SMOC2: variants seen among roughly 807,000 people sequenced by gnomAD.
The protein encoded by SMOC2 is SPARC related modular calcium binding 2, also known as SPARC-related modular calcium-binding protein 2.
Under a neutral mutation model 61.4 loss-of-function variants are expected in SMOC2, and 39 were observed. The observed-to-expected ratio is 0.64, with a 90% CI of 0.49 to 0.83. The LOEUF is 0.83. SMOC2 is among the 40% of genes least tolerant of loss of function. The probability of loss-of-function intolerance (pLI) is 0.00; values close to 1 mark genes in which losing one functional copy is unlikely to be tolerated. For synonymous variants in SMOC2, 247 were observed against 239.9 expected (o/e 1.03, Z -0.27); for missense variants, 556 against 592.9 (o/e 0.94, Z 0.65).
chr6:168,636,877 C>T (rs1265829472), intron 9 of SMOC2, among the ~76,000 whole-genome samples: 4 of 131,634 alleles, frequency 3.0e-5, no homozygotes, highest in South Asian at 2.8e-4. Context: ...TCCCTCCTCC[C>T]GCCTCCCTCC....
rs76187717 is a variant in SMOC2 at position 168,533,500 on chromosome 6, A to G, written c.463+5773A>G. 2.0e-4 allele frequency among the ~76,000 whole-genome samples: 31 copies of G among 152,348 alleles called. No individual in the cohort carries two copies. The East Asian group carries it at 5.8e-3, about 28-fold the overall frequency. On this transcript the variant is annotated intron_variant, in intron 4 of 12. Coordinates refer to ENST00000356284, the MANE Select transcript of SMOC2 (RefSeq NM_001166412.2). ...CCTGGCACTAAGTTAAGGACCCTAC[A>G]TAGCTGAGGGACTTGAAAGGATCAC...
At chr6:168,458,295 C>T (rs568655277) in intron 1 of SMOC2, among the ~76,000 whole-genome samples, 11 of 151,242 alleles carry the variant, frequency 7.3e-5, no homozygotes, top group African/African-American at 1.7e-4. Context: ...GGGAGGGAGA[C>T]GGTCTCACCC....
At chr6:168,491,128 C>T (rs1398145726) in intron 1 of SMOC2, among the ~76,000 whole-genome samples, 1 of 152,220 alleles carries the variant, frequency 6.6e-6, no homozygotes, top group Non-Finnish European at 1.5e-5. Context: ...ATTTCTGCAT[C>T]ATCTCATGCA....
intron 1 of SMOC2, among the ~76,000 whole-genome samples, chr6:168,507,640 A>G (rs1184102700): frequency 6.6e-6 from 1 of 152,262 alleles, no homozygotes; most frequent in Non-Finnish European, 1.5e-5. Flanking sequence ...TGTTGGTGAC[A>G]TGAAAAATGT....
In SMOC2 at chr6:168,667,624, A is replaced by C. The variant is rs1167167495; in HGVS notation, c.*1186A>C. 1 of 152,262 alleles carries C rather than the reference A, an allele frequency of 6.6e-6. No individual in the cohort carries two copies. Among genetic ancestry groups the C allele is most frequent in the Non-Finnish European group, 1.5e-5 (1 of 68,060 alleles). The allele number at this position is 152,262 out of a possible 1,614,324, so 9.4% of individuals were successfully genotyped here. ...CCCTCAGGCCTGGGCCCCAGAGCTC[A>C]GGGCACCCAGTGTCTTAAGGAACCA... On this transcript the variant is annotated 3_prime_UTR_variant, in exon 13 of 13. Transcript: ENST00000356284.
intron 1 of SMOC2, among the ~76,000 whole-genome samples, chr6:168,506,481 T>C (rs1434658475): frequency 1.3e-5 from 2 of 152,140 alleles, no homozygotes; most frequent in East Asian, 3.9e-4. Flanking sequence ...ATTTGAAGAG[T>C]GCTTTTACCT....
chr6:168,589,571 GT>G (rs1785124513), intron 7 of SMOC2, among the ~76,000 whole-genome samples: 1 of 152,246 alleles, frequency 6.6e-6, no homozygotes, highest in South Asian at 2.1e-4. Flanking sequence ...TGTGGGTTCT[GT>G]CTCTGTGGCA....
intron 1 of SMOC2, among the ~76,000 whole-genome samples, chr6:168,444,308 A>G (rs1781283909): frequency 6.6e-6 from 1 of 151,910 alleles, no homozygotes; most frequent in South Asian, 2.1e-4. Flanking sequence ...TCAGTTTGCC[A>G]TACCTGGCTT....
chr6:168,633,611 T>G (rs914268674), intron 9 of SMOC2, among the ~76,000 whole-genome samples: 4 of 152,024 alleles, frequency 2.6e-5, no homozygotes, highest in African/African-American at 9.7e-5. Context: ...CTTGGCCACT[T>G]GTCATTGAGG....
intron 7 of SMOC2, among the ~76,000 whole-genome samples, chr6:168,591,568 ATGT>A (rs1290093050): frequency 1.3e-5 from 2 of 151,408 alleles, no homozygotes; most frequent in African/African-American, 2.4e-5. Context: ...TTGGTTAAAA[ATGT>A]TGTAATGTGG....
At chr6:168,575,726 C>T (rs376182221) in intron 7 of SMOC2, among the ~76,000 whole-genome samples, 38 of 152,330 alleles carry the variant, frequency 2.5e-4, no homozygotes, top group South Asian at 4.1e-4. Flanking sequence ...GCCAGGCTCC[C>T]GGCCCCAGCT....
chr6:168,556,146 G>A (rs1177997453), intron 7 of SMOC2, among the ~76,000 whole-genome samples: 3 of 152,152 alleles, frequency 2.0e-5, no homozygotes, highest in African/African-American at 7.2e-5. Context: ...AAGTGTTCCC[G>A]GGGGTCCGCG....
At chr6:168,558,199 C>G (rs1288078949) in intron 7 of SMOC2, among the ~76,000 whole-genome samples, 1 of 152,254 alleles carries the variant, frequency 6.6e-6, no homozygotes, top group Admixed American at 6.5e-5. Flanking sequence ...TGTCTCCACC[C>G]TGAACCTGCA....
At chr6:168,661,494 C>T (rs894743666) in intron 11 of SMOC2, among the ~76,000 whole-genome samples, 2 of 151,978 alleles carry the variant, frequency 1.3e-5, no homozygotes, top group Non-Finnish European at 2.9e-5. Context: ...CCCAGCTACT[C>T]GGGAGGCTGA....
intron 7 of SMOC2, among the ~76,000 whole-genome samples, chr6:168,579,521 TCA>T (rs1212000112): frequency 2.0e-5 from 3 of 152,240 alleles, no homozygotes; most frequent in Admixed American, 2.0e-4. Flanking sequence ...TTAAATAGAT[TCA>T]GTGTCCAAAT....
At chr6:168,554,471 GCTGGGCTCCTGGGCTC>G (rs371484336) in intron 7 of SMOC2, among the ~76,000 whole-genome samples, 13 of 152,280 alleles carry the variant, frequency 8.5e-5, no homozygotes, top group Non-Finnish European at 1.6e-4. Flanking sequence ...GAAGCATTCT[GCTGGGCTCCTGGGCTC>G]CTGGGCTCCT....
rs772359519 is a variant in SMOC2 at position 168,544,980 on chromosome 6, C to T, written c.511+1308C>T. On this transcript the variant is annotated intron_variant, in intron 5 of 12. Transcript: ENST00000356284. This position sits in a 1 kb window ranked among gnomAD's most constrained non-coding sequence, Gnocchi z 4.1. ...CAAGGAAGATAGCTCATTTTCCAGC[C>T]GAAAAATGATGACAGGCATAATGGG... 9.9e-5 allele frequency among the ~76,000 whole-genome samples: 15 copies of T among 151,828 alleles called. No individual in the cohort carries two copies. The highest frequency in any genetic ancestry group is 2.4e-4 in the African/African-American group (10 of 41,306).
chr6:168,514,625 T>C (rs7752384), intron 2 of SMOC2, among the ~76,000 whole-genome samples: 25,553 of 152,174 alleles, frequency 0.17, 2,290 homozygotes, highest in East Asian at 0.23. Flanking sequence ...AATTTAAATA[T>C]CAGATGATGT....
intron 1 of SMOC2, among the ~76,000 whole-genome samples, chr6:168,483,213 T>A (rs1782251508): frequency 6.6e-6 from 1 of 151,634 alleles, no homozygotes; most frequent in Admixed American, 6.6e-5. Context: ...ACAAAAAAAC[T>A]TGTTAGAACC....
Sources: gnomAD v4.1 joint callset for allele counts (sites outside exome capture counted in the v4.1 genomes callset) on GRCh38, gnomAD v4.1.1 for gene constraint, Gnocchi (gnomAD v3.1) non-coding constraint, MANE v1.5 for transcripts, NCBI Gene and HGNC (gene_info 2026-07-23, HGNC 2026-07-21) for gene names.